The following CFAP43 variants were observed in gnomAD, a reference collection of about 807,000 sequenced individuals.
CFAP43 encodes the protein cilia- and flagella-associated protein 43.
CFAP43 carries 155 observed loss-of-function variants against 218.9 expected under a neutral mutation model. The observed-to-expected ratio is 0.71, with a 90% CI of 0.62 to 0.81. The LOEUF (loss-of-function observed/expected upper bound fraction) is 0.81, where lower values mean the gene tolerates loss of function less well. Ranked by LOEUF, CFAP43 falls within the 30% of genes least tolerant of loss-of-function variation. The pLI, the probability that CFAP43 is intolerant of heterozygous loss-of-function variation, is 0.00. For synonymous variants in CFAP43, 645 were observed against 681.3 expected (o/e 0.95, Z 0.83); for missense variants, 1,778 against 1,954.3 (o/e 0.91, Z 1.70).
At chr10:104,160,911 T>G in intron 27 of CFAP43, 126 bp downstream of exon 27, 94 of 946,070 alleles carry the variant, frequency 9.9e-5, no homozygotes, top group Non-Finnish European at 1.2e-4. Context: ...CAAATTCTCT[T>G]GAGAATTTAA....
chr10:104,130,542 TA>T (rs576466835), intron 37 of CFAP43, among the ~76,000 whole-genome samples: 2 of 151,708 alleles, frequency 1.3e-5, no homozygotes, highest in Admixed American at 1.3e-4. Context: ...TACACAGCCA[TA>T]AAAAAAAGAA....
chr10:104,181,844 A>G (rs778937861), intron 17 of CFAP43, among the ~76,000 whole-genome samples: 1 of 152,000 alleles, frequency 6.6e-6, no homozygotes, highest in Non-Finnish European at 1.5e-5. Context: ...ACTTGTTACT[A>G]TCTCATTGTT....
chr10:104,204,390 T>G (rs2090620755), intron 7 of CFAP43, among the ~76,000 whole-genome samples: 1 of 152,242 alleles, frequency 6.6e-6, no homozygotes, highest in South Asian at 2.1e-4. Context: ...GAATTTGAGT[T>G]ATTTTTACAA....
At chr10:104,189,467 C>A (rs565995880) in intron 12 of CFAP43, among the ~76,000 whole-genome samples, 1 of 152,292 alleles carries the variant, frequency 6.6e-6, no homozygotes, top group East Asian at 1.9e-4. Flanking sequence ...TGCTGACTGG[C>A]AAATATATGA....
rs144437446 is a variant in CFAP43, at chr10:104,199,002, G to A, written c.1096-964C>T. ...AAAACATAACAAAACATTTTTTCCT[G>A]TTTCAAAAATAATATCTATTTATGT... On this transcript the variant is annotated intron_variant, in intron 8 of 37. Transcript: ENST00000357060. Among the ~76,000 whole-genome samples, 576 of 152,108 alleles carry A rather than the reference G, an allele frequency of 3.8e-3. 1 individual carries two copies. The highest frequency in any genetic ancestry group is 6.4e-3 in the Non-Finnish European group (437 of 67,996).
At chr10:104,147,124 C>T (rs187838483) in intron 29 of CFAP43, among the ~76,000 whole-genome samples, 76 of 151,786 alleles carry the variant, frequency 5.0e-4, no homozygotes, top group Non-Finnish European at 4.9e-4. Context: ...CCCACAGTTC[C>T]AGCTGCTGCT....
At chr10:104,185,197 A>G in intron 15 of CFAP43, 51 bp from the exon 16 acceptor site, 1 of 1,607,314 alleles carries the variant, frequency 6.2e-7, no homozygotes, top group Non-Finnish European at 8.5e-7. Flanking sequence ...ATTCTACCAC[A>G]CGGCTTTTCT....
chr10:104,146,511 T>C (rs923143361), intron 29 of CFAP43, among the ~76,000 whole-genome samples, 162 bp from the exon 30 acceptor site: 3 of 152,182 alleles, frequency 2.0e-5, no homozygotes, highest in African/African-American at 4.8e-5. Flanking sequence ...AATACACCAA[T>C]TGGGGACTTT....
intron 27 of CFAP43, among the ~76,000 whole-genome samples, chr10:104,153,477 T>C (rs1459756101): frequency 6.6e-6 from 1 of 152,190 alleles, no homozygotes; most frequent in East Asian, 1.9e-4. Flanking sequence ...CATGTTGTGA[T>C]TATTTCACAT....
At chr10:104,226,863 CA>C (rs2091316831) in intron 2 of CFAP43, among the ~76,000 whole-genome samples, 1 of 151,908 alleles carries the variant, frequency 6.6e-6, no homozygotes, top group Non-Finnish European at 1.5e-5. Context: ...TACTAAAAAT[CA>C]AAAATTAGCC....
At chr10:104,135,471 TAGAG>T (rs2087396846) in intron 34 of CFAP43, among the ~76,000 whole-genome samples, 1 of 152,098 alleles carries the variant, frequency 6.6e-6, no homozygotes, top group Non-Finnish European at 1.5e-5. Flanking sequence ...TCTATATATA[TAGAG>T]AAAGTCATAT....
chr10:104,230,145 T>C (rs2091411586), intron 2 of CFAP43, among the ~76,000 whole-genome samples: 1 of 151,496 alleles, frequency 6.6e-6, no homozygotes, highest in Non-Finnish European at 1.5e-5. Flanking sequence ...GTGATCAGCT[T>C]GATTCCTTCT....
At chr10:104,188,223 A>G (rs372139398) in intron 13 of CFAP43, 47 bp downstream of exon 13, 4 of 1,589,490 alleles carry the variant, frequency 2.5e-6, no homozygotes, top group Non-Finnish European at 3.4e-6. Context: ...AATAACAACA[A>G]TGTATCTGGG....
intron 17 of CFAP43, among the ~76,000 whole-genome samples, chr10:104,181,722 G>A (rs1007516454): frequency 6.6e-6 from 1 of 152,068 alleles, no homozygotes; most frequent in African/African-American, 2.4e-5. Context: ...CCCTCCCATT[G>A]TCTTTGCATG....
chr10:104,211,552 CCT>C (rs2090863150), intron 5 of CFAP43, among the ~76,000 whole-genome samples: 2 of 152,282 alleles, frequency 1.3e-5, no homozygotes, highest in Admixed American at 6.5e-5. Context: ...TCCTTTCGCC[CCT>C]GAGTTCAGCA....
At chr10:104,180,053 T>C in intron 17 of CFAP43, 121 bp from the exon 18 acceptor site, 1 of 758,462 alleles carries the variant, frequency 1.3e-6, no homozygotes, top group East Asian at 2.5e-5. Flanking sequence ...TTTTTGAAAA[T>C]AATCTCCAAC....
rs1364124580 is a variant in CFAP43 at position 104,164,131 on chromosome 10, TCA to T, written c.3207_3208del (p.Cys1069Ter). The T allele has an allele frequency of 1.9e-6, 3 of 1,614,070 alleles. No individual in the cohort carries two copies. Among genetic ancestry groups the T allele is most frequent in the Non-Finnish European group, 2.5e-6 (3 of 1,180,030 alleles). On this transcript the variant is annotated stop_gained and frameshift_variant, in exon 24 of 38. Transcript: ENST00000357060. LOFTEE classifies it high-confidence loss of function. Reference sequence around the variant, plus strand: ...CACAACAAGCGTTCTCTCTGGCTTCTCACAGTCTTCAAATTCTGGTTGCCAGA... The same window carrying T: ...CACAACAAGCGTTCTCTCTGGCTTCTCAGTCTTCAAATTCTGGTTGCCAGA...
At chr10:104,168,076 T>G (rs547127588) in intron 21 of CFAP43, among the ~76,000 whole-genome samples, 1 of 152,172 alleles carries the variant, frequency 6.6e-6, no homozygotes, top group South Asian at 2.1e-4. Context: ...ACAATGCTAC[T>G]GTCTCCAAAT....
At chr10:104,207,951 A>G (rs922716175) in intron 5 of CFAP43, 127 bp from the exon 6 acceptor site, 23 of 858,358 alleles carry the variant, frequency 2.7e-5, no homozygotes, top group Middle Eastern at 4.7e-4. Context: ...ACATAGGAAC[A>G]TTGAGCATTC....
Sources: gnomAD v4.1 joint callset for allele counts (sites outside exome capture counted in the v4.1 genomes callset) on GRCh38, gnomAD v4.1.1 for gene constraint, MANE v1.5 for transcripts, NCBI Gene and HGNC (gene_info 2026-07-23, HGNC 2026-07-21) for gene names.